Variants in FNBP1L observed in about 807,000 individuals in gnomAD.
The protein encoded by FNBP1L is formin-binding protein 1-like.
In FNBP1L, 36 loss-of-function variants were observed where a neutral mutation model predicts 91.2. The ratio of observed to expected loss-of-function variants is 0.39; its 90% CI spans 0.30 to 0.52. The LOEUF (loss-of-function observed/expected upper bound fraction) is 0.52. Among genes scored for constraint, FNBP1L ranks in the 20% least tolerant of loss-of-function variants. FNBP1L has a pLI of 0.66. For synonymous variants in FNBP1L, 242 were observed against 237.0 expected, an observed-to-expected ratio of 1.02 and a Z score of -0.19; for missense variants, 571 against 732.1, an observed-to-expected ratio of 0.78 and a Z score of 2.54.
chr1:93,476,248 T>C (rs1201040431), intron 1 of FNBP1L, among the ~76,000 whole-genome samples: 1 of 152,198 alleles, frequency 6.6e-6, no homozygotes, highest in African/African-American at 2.4e-5. Flanking sequence ...AACTCTTAAG[T>C]GTAGAATCTG....
intron 11 of FNBP1L, among the ~76,000 whole-genome samples, chr1:93,542,639 A>G (rs184043002): frequency 6.6e-6 from 1 of 152,084 alleles, no homozygotes; most frequent in East Asian, 1.9e-4. Context: ...TCATTCTTAC[A>G]CATGGTGAAA....
chr1:93,552,542 C>T lies in FNBP1L; in HGVS notation c.*126C>T. The T allele has an allele frequency of 1.1e-6, 1 of 947,652 alleles. No homozygotes were observed. The highest frequency in any genetic ancestry group is 1.5e-6 in the Non-Finnish European group (1 of 659,364). The allele number at this position is 947,652 out of a possible 1,614,324, so 58.7% of individuals were successfully genotyped here. A position where few individuals can be genotyped will look rare whatever the true frequency, so the allele number is the denominator to read the frequency against. On this transcript the variant is annotated 3_prime_UTR_variant, in exon 17 of 17. Transcript: ENST00000271234. ...AGCAAGTTGCATGAGTGCATGCAGA[C>T]ATGATTTTTTTTTTACTAACTTCAT...
intron 1 of FNBP1L, among the ~76,000 whole-genome samples, chr1:93,485,143 C>G (rs975774955): frequency 3.6e-5 from 5 of 138,756 alleles, no homozygotes; most frequent in Non-Finnish European, 3.1e-5. Context: ...AGAATGAGAC[C>G]CTATCTCTAA....
intron 1 of FNBP1L, among the ~76,000 whole-genome samples, chr1:93,480,753 G>A (rs886639881): frequency 6.6e-6 from 1 of 151,938 alleles, no homozygotes; most frequent in Non-Finnish European, 1.5e-5. Flanking sequence ...TAGTAGAGAC[G>A]GGGTTTCACC....
intron 1 of FNBP1L, among the ~76,000 whole-genome samples, chr1:93,493,920 A>T (rs899737233): frequency 6.6e-6 from 1 of 152,194 alleles, no homozygotes; most frequent in Non-Finnish European, 1.5e-5. Context: ...CACCAAACAC[A>T]TGAGTTTTTT....
rs1367920640 is a variant in FNBP1L at position 93,554,588 on chromosome 1, T to G, written c.*2172T>G. 1.3e-5 allele frequency: 2 copies of G among 152,672 alleles called. No individual in the cohort carries two copies. Among genetic ancestry groups the G allele is most frequent in the Non-Finnish European group, 2.9e-5 (2 of 68,048 alleles). 9.5% of individuals were successfully genotyped at this position (152,672 alleles called of 1,614,324 possible). A position where few individuals can be genotyped will look rare whatever the true frequency, so the allele number is the denominator to read the frequency against. On this transcript the variant is annotated 3_prime_UTR_variant, in exon 17 of 17. Coordinates refer to ENST00000271234, the MANE Select transcript of FNBP1L (RefSeq NM_001164473.3). ...CACATGTTGATTTCTTAATGGTAAA[T>G]CCTTCATTTAAAGATAGTGTTCTCT... is the stretch of plus-strand genomic sequence containing the variant.
rs528018214 is a variant in FNBP1L, at chr1:93,470,097, TA to T, written c.24+21796del. ...GGTTTTGGCATTAATTTAAGAAACT[TA>T]AAATCTAAGTGTGAATGTTAGCTAT... On this transcript the variant is annotated intron_variant, in intron 1 of 16. Coordinates refer to ENST00000271234, the MANE Select transcript of FNBP1L (RefSeq NM_001164473.3). 3.8e-3 allele frequency among the ~76,000 whole-genome samples: 583 copies of T among 152,342 alleles called. 3 individuals are homozygous for T. The highest frequency in any genetic ancestry group is 0.027 in the Middle Eastern group (8 of 294).
At chr1:93,458,529 A>G (rs913984184) in intron 1 of FNBP1L, among the ~76,000 whole-genome samples, 5 of 152,236 alleles carry the variant, frequency 3.3e-5, no homozygotes, top group South Asian at 2.1e-4. Context: ...TAAAAATACT[A>G]GAAGAAAATA....
chr1:93,529,645 T>C lies in FNBP1L; in HGVS notation c.406-7T>C, dbSNP rs370838957. ...TTCTCAGTGTGATATTTTAATTTTTTTAACAGAGTAAAAAGAAGTTTGAAA... is the reference window on the plus strand; with the variant it reads ...TTCTCAGTGTGATATTTTAATTTTTCTAACAGAGTAAAAAGAAGTTTGAAA... On this transcript the variant is annotated splice_polypyrimidine_tract_variant and splice_region_variant and intron_variant, in intron 5 of 16. Coordinates refer to ENST00000271234, the MANE Select transcript of FNBP1L (RefSeq NM_001164473.3). The C allele has an allele frequency of 2.1e-6, 3 of 1,463,110 alleles. No individual in the cohort carries two copies. 90.6% of individuals were successfully genotyped at this position (1,463,110 alleles called of 1,614,324 possible).
chr1:93,542,443 G>GAAAAAA (rs61650755), intron 11 of FNBP1L, among the ~76,000 whole-genome samples: 116 of 82,244 alleles, frequency 1.4e-3, no homozygotes, highest in East Asian at 2.9e-3. Context: ...ATTGGTAAAT[G>GAAAAAA]AAAAAAAAAA....
intron 1 of FNBP1L, among the ~76,000 whole-genome samples, chr1:93,479,952 T>C (rs1031901484): frequency 6.6e-6 from 1 of 152,184 alleles, no homozygotes; most frequent in Non-Finnish European, 1.5e-5. Flanking sequence ...TAAGAAATTA[T>C]AAGAGTATTA....
At chr1:93,544,643 A>G (rs1001505940) in intron 12 of FNBP1L, among the ~76,000 whole-genome samples, 2 of 152,110 alleles carry the variant, frequency 1.3e-5, no homozygotes, top group African/African-American at 2.4e-5. Flanking sequence ...TTACTTTTTT[A>G]TTTCATTTTT....
At chr1:93,532,525 T>TA (rs34093849) in intron 7 of FNBP1L, among the ~76,000 whole-genome samples, 61,368 of 134,698 alleles carry the variant, frequency 0.46, 17,124 homozygotes, top group Non-Finnish European at 0.61. Flanking sequence ...CCAGTTGCTT[T>TA]AAAAAAAAAA....
At chr1:93,467,103 C>G (rs529374009) in intron 1 of FNBP1L, among the ~76,000 whole-genome samples, 2 of 152,168 alleles carry the variant, frequency 1.3e-5, no homozygotes, top group African/African-American at 2.4e-5. Context: ...GTTATCCACC[C>G]GCCTTGGCCT....
chr1:93,489,770 T>C (rs1167001667), intron 1 of FNBP1L, among the ~76,000 whole-genome samples: 2 of 152,204 alleles, frequency 1.3e-5, no homozygotes, highest in Non-Finnish European at 2.9e-5. Flanking sequence ...TATTTCTCAA[T>C]TTTCTTTGAG....
chr1:93,528,523 T>C (rs758983641), intron 5 of FNBP1L, among the ~76,000 whole-genome samples: 1 of 152,148 alleles, frequency 6.6e-6, no homozygotes, highest in East Asian at 1.9e-4. Flanking sequence ...GATTCAGTTA[T>C]CTCCTGCAGA....
At chr1:93,473,659 C>T (rs1382950487) in intron 1 of FNBP1L, among the ~76,000 whole-genome samples, 1 of 152,168 alleles carries the variant, frequency 6.6e-6, no homozygotes, top group Non-Finnish European at 1.5e-5. Context: ...TTGAGCTTAA[C>T]GTGTATTTGA....
chr1:93,518,389 G>A (rs964537401), intron 2 of FNBP1L, among the ~76,000 whole-genome samples: 5 of 152,124 alleles, frequency 3.3e-5, no homozygotes, highest in Admixed American at 2.6e-4. Flanking sequence ...ATTTTATAAA[G>A]TAGTCACAAG....
At chr1:93,543,130 T>A (rs1464629249) in intron 11 of FNBP1L, among the ~76,000 whole-genome samples, 2 of 152,194 alleles carry the variant, frequency 1.3e-5, no homozygotes, top group Non-Finnish European at 2.9e-5. Flanking sequence ...AGAAAATGAA[T>A]AGTGACAGGC....
Sources: allele counts gnomAD v4.1 joint callset (sites outside exome capture counted in the v4.1 genomes callset), GRCh38; gene constraint gnomAD v4.1.1; transcripts MANE v1.5; gene names NCBI Gene and HGNC (gene_info 2026-07-23, HGNC 2026-07-21).